Variants in PACRG observed in about 807,000 individuals in gnomAD.
The protein encoded by PACRG is parkin coregulated gene protein.
A neutral mutation model predicts 29.7 loss-of-function variants in PACRG; 29 were observed. The ratio of observed to expected loss-of-function variants is 0.98; its 90% CI spans 0.73 to 1.33. The LOEUF (loss-of-function observed/expected upper bound fraction) is 1.33, where lower values mean the gene tolerates loss of function less well. Among genes scored for constraint, PACRG ranks in the 40% most tolerant of loss-of-function variants. The pLI is 0.00. For missense variants in PACRG, 279 were observed against 316.2 expected (o/e 0.88, Z 0.89); for synonymous variants, 116 against 118.7 (o/e 0.98, Z 0.15).
chr6:163,085,667 C>G (rs1239272188), intron 3 of PACRG, among the ~76,000 whole-genome samples: 3 of 152,222 alleles, frequency 2.0e-5, no homozygotes, highest in African/African-American at 7.2e-5. Context: ...CGCGCTGCTT[C>G]CTCTCCTGGA....
intron 2 of PACRG, among the ~76,000 whole-genome samples, chr6:163,043,983 C>T (rs899556011): frequency 3.3e-5 from 5 of 151,924 alleles, no homozygotes; most frequent in Admixed American, 1.3e-4. Flanking sequence ...GTAGCATGAG[C>T]GGGTAAAGCA....
In PACRG at chr6:163,169,714, G is replaced by A. The variant is rs1384884994; in HGVS notation, c.613+80306G>A. ...ATGTGCTAGGAGGAGCTGGCCAGAC[G>A]GCTCAGGAGAGAGAGGCCGCTGGGC... On this transcript the variant is annotated intron_variant, in intron 4 of 4. Transcript: ENST00000366888. Among the ~76,000 whole-genome samples the A allele has an allele frequency of 2.6e-5, 4 of 152,232 alleles. No individual in the cohort carries two copies. In the South Asian group the frequency reaches 6.2e-4, roughly 24 times the overall value.
intron 1 of PACRG, among the ~76,000 whole-genome samples, chr6:162,764,215 C>G (rs1366495750): frequency 6.6e-6 from 1 of 152,122 alleles, no homozygotes; most frequent in Admixed American, 6.5e-5. Context: ...GCGGAGGTTG[C>G]AGGGAGCCAG....
chr6:163,205,348 T>C (rs1302913280), intron 4 of PACRG, among the ~76,000 whole-genome samples: 1 of 152,184 alleles, frequency 6.6e-6, no homozygotes, highest in Admixed American at 6.5e-5. Context: ...AAACAGCATG[T>C]ACTGGTATAA....
intron 2 of PACRG, among the ~76,000 whole-genome samples, chr6:162,906,855 TCA>T (rs1052714151): frequency 1.3e-5 from 2 of 152,232 alleles, no homozygotes; most frequent in Non-Finnish European, 2.9e-5. Context: ...ACCTTGTATA[TCA>T]GAGAGATGTT....
At chr6:163,171,169 T>C (rs1004096948) in intron 4 of PACRG, among the ~76,000 whole-genome samples, 1 of 152,162 alleles carries the variant, frequency 6.6e-6, no homozygotes, top group Non-Finnish European at 1.5e-5. Flanking sequence ...CAAGTAGTAT[T>C]AGTGACTAAA....
intron 2 of PACRG, among the ~76,000 whole-genome samples, chr6:162,829,716 G>A (rs888017548): frequency 6.6e-6 from 1 of 152,146 alleles, no homozygotes; most frequent in Non-Finnish European, 1.5e-5. Context: ...CAGAGATAAG[G>A]ATGTTCTTTT....
Position 162,985,473 on chromosome 6 carries a change from G to A in PACRG, c.292-76677G>A, listed in dbSNP as rs148329328. Reference sequence around the variant, plus strand: ...CAAAAATCACATGATCATCTCAATAGATGCAGAAAAAGCTTTTTGACAAAA... The same window carrying A: ...CAAAAATCACATGATCATCTCAATAAATGCAGAAAAAGCTTTTTGACAAAA... On this transcript the variant is annotated intron_variant, in intron 2 of 4. Coordinates refer to ENST00000366888, the MANE Select transcript of PACRG (RefSeq NM_001080379.2). Among the ~76,000 whole-genome samples, 1,070 of 152,170 alleles carry A rather than the reference G, an allele frequency of 7.0e-3. 14 individuals carry two copies. The highest frequency in any genetic ancestry group is 0.025 in the African/African-American group (1,027 of 41,544).
At chr6:163,023,198 C>T (rs186172347) in intron 2 of PACRG, among the ~76,000 whole-genome samples, 13 of 152,258 alleles carry the variant, frequency 8.5e-5, no homozygotes, top group East Asian at 1.9e-4. Flanking sequence ...GCATAATACC[C>T]GATGGGTAGT....
At chr6:162,753,764 T>G (rs1781693526) in intron 1 of PACRG, among the ~76,000 whole-genome samples, 1 of 152,190 alleles carries the variant, frequency 6.6e-6, no homozygotes, top group Admixed American at 6.5e-5. Context: ...CCTGCCACTA[T>G]GTAAGACATG....
chr6:162,744,031 A>G (rs1172788576), intron 1 of PACRG, among the ~76,000 whole-genome samples: 1 of 152,096 alleles, frequency 6.6e-6, no homozygotes, highest in African/African-American at 2.4e-5. Context: ...TATGGTTGTT[A>G]CTTATGAGGA....
chr6:162,814,989 G>A (rs1282153630), intron 2 of PACRG, among the ~76,000 whole-genome samples: 1 of 152,222 alleles, frequency 6.6e-6, no homozygotes, highest in Non-Finnish European at 1.5e-5. Context: ...CTTAACCGGA[G>A]AAGGCTTTTA....
intron 2 of PACRG, among the ~76,000 whole-genome samples, chr6:163,038,529 G>A (rs1037213324): frequency 6.6e-6 from 1 of 152,180 alleles, no homozygotes; most frequent in Admixed American, 6.5e-5. Context: ...CCTGAAGAAT[G>A]AGCCAGAGAG....
chr6:162,896,538 T>C (rs1329720811), intron 2 of PACRG, among the ~76,000 whole-genome samples: 1 of 152,160 alleles, frequency 6.6e-6, no homozygotes, highest in Non-Finnish European at 1.5e-5. Context: ...GGTAAAATCT[T>C]GGATGTGTAA....
At chr6:163,004,909 A>G (rs1804926526) in intron 2 of PACRG, among the ~76,000 whole-genome samples, 1 of 152,044 alleles carries the variant, frequency 6.6e-6, no homozygotes, top group South Asian at 2.1e-4. Context: ...TCTTGCTCAA[A>G]CTACTTGCCT....
chr6:163,251,991 C>T (rs1165137811), intron 4 of PACRG, among the ~76,000 whole-genome samples: 1 of 152,200 alleles, frequency 6.6e-6, no homozygotes, highest in Non-Finnish European at 1.5e-5. Flanking sequence ...GGAGACAAGG[C>T]ACCTGTATAC....
chr6:162,745,731 A>T (rs1780939939), intron 1 of PACRG, among the ~76,000 whole-genome samples: 1 of 152,114 alleles, frequency 6.6e-6, no homozygotes, highest in Admixed American at 6.5e-5. Flanking sequence ...TTGAGGTCCA[A>T]CAACTGAAAC....
At chr6:163,213,207 T>A (rs1204550212) in intron 4 of PACRG, among the ~76,000 whole-genome samples, 1 of 152,024 alleles carries the variant, frequency 6.6e-6, no homozygotes, top group Admixed American at 6.5e-5. Context: ...ACTCTAATCA[T>A]TAGGAAGTGT....
chr6:162,980,623 C>T (rs185626115), intron 2 of PACRG, among the ~76,000 whole-genome samples: 35 of 152,186 alleles, frequency 2.3e-4, no homozygotes, highest in Non-Finnish European at 1.5e-5. Context: ...CAGGGAAATA[C>T]TGTTTTATCT....
Sources: gnomAD v4.1 joint callset for allele counts (sites outside exome capture counted in the v4.1 genomes callset) on GRCh38, gnomAD v4.1.1 for gene constraint, MANE v1.5 for transcripts, NCBI Gene and HGNC (gene_info 2026-07-23, HGNC 2026-07-21) for gene names.